Variants in ELAPOR2 observed in about 807,000 individuals in gnomAD.
ELAPOR2 encodes the protein endosome-lysosome associated apoptosis and autophagy regulator family member 2, also known as endosome/lysosome-associated apoptosis and autophagy regulator family member 2.
Under a neutral mutation model 120.7 loss-of-function variants are expected in ELAPOR2, and 89 were observed. The observed-to-expected ratio is 0.74, with a 90% CI of 0.62 to 0.88. The LOEUF (loss-of-function observed/expected upper bound fraction) is 0.88. ELAPOR2 is among the 40% of genes least tolerant of loss of function. The probability of loss-of-function intolerance (pLI) is 0.00; values close to 1 mark genes in which losing one functional copy is unlikely to be tolerated. For synonymous variants in ELAPOR2, 444 were observed against 444.9 expected, an observed-to-expected ratio of 1.00 and a Z score of 0.03; for missense variants, 1,134 against 1,251.6, an observed-to-expected ratio of 0.91 and a Z score of 1.42.
At chr7:86,968,210 C>T (rs1373368365) in intron 1 of ELAPOR2, among the ~76,000 whole-genome samples, 1 of 152,086 alleles carries the variant, frequency 6.6e-6, no homozygotes, top group Non-Finnish European at 1.5e-5. Flanking sequence ...AGGTAACACC[C>T]CAAAACTCTA....
At chr7:86,965,729 A>C in intron 1 of ELAPOR2, 2 of 725,912 alleles carry the variant, frequency 2.8e-6, no homozygotes, top group Non-Finnish European at 3.4e-6. Context: ...AACTGAGAAG[A>C]ACCCAAACAA....
At chr7:87,050,990 G>A (rs934964964) in intron 1 of ELAPOR2, among the ~76,000 whole-genome samples, 3 of 152,202 alleles carry the variant, frequency 2.0e-5, no homozygotes, top group Non-Finnish European at 4.4e-5. Flanking sequence ...CAGGAGTTCA[G>A]TTTGGTACCT....
At chr7:86,918,098 T>C (rs112098611) in intron 12 of ELAPOR2, among the ~76,000 whole-genome samples, 3 of 152,210 alleles carry the variant, frequency 2.0e-5, no homozygotes, top group South Asian at 2.1e-4. Context: ...ATAGTTCAAA[T>C]AGCTGAATGG....
intron 1 of ELAPOR2, among the ~76,000 whole-genome samples, chr7:87,004,307 T>A (rs1005305100): frequency 1.2e-4 from 19 of 152,204 alleles, no homozygotes; most frequent in African/African-American, 4.6e-4. Flanking sequence ...TCAGCCCCCA[T>A]TCAAACACCA....
At chr7:86,906,596 G>T (rs1378806469) in intron 18 of ELAPOR2, among the ~76,000 whole-genome samples, 3 of 151,954 alleles carry the variant, frequency 2.0e-5, no homozygotes, top group African/African-American at 7.3e-5. Context: ...TCTCCCAAGG[G>T]TTACTGTGAA....
chr7:86,894,456 C>T (rs900933242), intron 19 of ELAPOR2, among the ~76,000 whole-genome samples: 1 of 151,988 alleles, frequency 6.6e-6, no homozygotes, highest in Non-Finnish European at 1.5e-5. Context: ...ACTGTACCAT[C>T]TTTGATATGG....
chr7:86,903,373 GTC>G (rs1479682857), intron 18 of ELAPOR2, among the ~76,000 whole-genome samples: 2 of 152,038 alleles, frequency 1.3e-5, no homozygotes, highest in Non-Finnish European at 2.9e-5. Context: ...TTTGGTTTTG[GTC>G]TTTTGAGTTA....
At chr7:86,882,896 C>A (rs1562893823) in intron 21 of ELAPOR2, among the ~76,000 whole-genome samples, 2 of 152,106 alleles carry the variant, frequency 1.3e-5, no homozygotes, top group South Asian at 4.1e-4. Flanking sequence ...AGAATCTTCT[C>A]CAAAGCCAAC....
At chr7:87,046,632 A>G (rs1450892315) in intron 1 of ELAPOR2, among the ~76,000 whole-genome samples, 1 of 152,156 alleles carries the variant, frequency 6.6e-6, no homozygotes, top group Non-Finnish European at 1.5e-5. Flanking sequence ...CCCCCACCCC[A>G]TTCTCGTGAT....
intron 1 of ELAPOR2, among the ~76,000 whole-genome samples, chr7:87,052,990 G>T (rs1280213215): frequency 6.6e-6 from 1 of 151,974 alleles, no homozygotes; most frequent in Non-Finnish European, 1.5e-5. Context: ...TAGAGACAGG[G>T]TCTTGCTATG....
chr7:86,908,120 T>C (rs1562912586), intron 17 of ELAPOR2, among the ~76,000 whole-genome samples: 2 of 150,568 alleles, frequency 1.3e-5, no homozygotes, highest in East Asian at 1.9e-4. Context: ...GACAATGAAA[T>C]AGAGTCTCTT....
chr7:86,946,023 C>CA (rs1374213744), intron 3 of ELAPOR2, among the ~76,000 whole-genome samples: 1 of 150,824 alleles, frequency 6.6e-6, no homozygotes, highest in Non-Finnish European at 1.5e-5. Context: ...ATCAAATGAC[C>CA]AAAAAAAAGT....
chr7:86,897,381 C>T (rs1261303344), intron 19 of ELAPOR2, 125 bp downstream of exon 19: 6 of 1,168,268 alleles, frequency 5.1e-6, no homozygotes, highest in Non-Finnish European at 6.0e-6. Context: ...ATTTTAAATG[C>T]CTACCAATGT....
rs551174458 is a variant in ELAPOR2 at position 86,878,705 on chromosome 7, T to C, written c.*1766A>G. ...TTAAATTTTGATCAAAATGCAGACA[T>C]GCTCATAAGCACTCTGTTGGCAGGA... On this transcript the variant is annotated 3_prime_UTR_variant, in exon 22 of 22. Transcript: ENST00000450689. 1 of 152,302 alleles carries C rather than the reference T, an allele frequency of 6.6e-6. No homozygotes were observed. Among genetic ancestry groups the C allele is most frequent in the East Asian group, 1.9e-4 (1 of 5,184 alleles). The allele number at this position is 152,302 out of a possible 1,614,324, so 9.4% of individuals were successfully genotyped here.
intron 16 of ELAPOR2, among the ~76,000 whole-genome samples, chr7:86,909,321 A>T (rs772540925): frequency 1.3e-5 from 2 of 152,040 alleles, no homozygotes; most frequent in Non-Finnish European, 2.9e-5. Context: ...AGAGAGCTAG[A>T]TTCTTCTTGA....
intron 1 of ELAPOR2, among the ~76,000 whole-genome samples, chr7:86,979,471 C>T (rs1020745096): frequency 6.6e-6 from 1 of 152,094 alleles, no homozygotes; most frequent in Admixed American, 6.5e-5. Flanking sequence ...TAAATTAAAG[C>T]CTAACAAACA....
chr7:86,927,265 CTTGCTTT>C (rs1439553884), intron 8 of ELAPOR2, among the ~76,000 whole-genome samples: 1 of 151,992 alleles, frequency 6.6e-6, no homozygotes, highest in Non-Finnish European at 1.5e-5. Context: ...TACGCAGCAA[CTTGCTTT>C]TTCATTTTGA....
intron 18 of ELAPOR2, among the ~76,000 whole-genome samples, chr7:86,900,814 T>C (rs1471424422): frequency 6.6e-6 from 1 of 152,184 alleles, no homozygotes; most frequent in Admixed American, 6.5e-5. Flanking sequence ...TGAACAGCAC[T>C]TATTTTTAGT....
rs1177261569 is a variant in ELAPOR2, at chr7:86,990,027, G to A, written c.190-25003C>T. ...CTTTAAGAGGTGATTGGATCATGAGGGTTCTGCTCTTATTTTTTTTTTATT... is the reference window on the plus strand; with the variant it reads ...CTTTAAGAGGTGATTGGATCATGAGAGTTCTGCTCTTATTTTTTTTTTATT... On this transcript the variant is annotated intron_variant, in intron 1 of 21. Coordinates refer to ENST00000450689, the MANE Select transcript of ELAPOR2 (RefSeq NM_001142749.3). Among the ~76,000 whole-genome samples the A allele has an allele frequency of 3.3e-5, 5 of 151,800 alleles. No homozygotes were observed. The South Asian group carries it at 6.3e-4, about 19-fold the overall frequency.
Sources: gnomAD v4.1 joint callset for allele counts (sites outside exome capture counted in the v4.1 genomes callset) on GRCh38, gnomAD v4.1.1 for gene constraint, MANE v1.5 for transcripts, NCBI Gene and HGNC (gene_info 2026-07-23, HGNC 2026-07-21) for gene names.